The following POU2F2 variants were observed in gnomAD, a reference collection of about 807,000 sequenced individuals.
POU2F2 encodes POU class 2 homeobox 2, also known as POU domain, class 2, transcription factor 2.
A neutral mutation model predicts 63.5 loss-of-function variants in POU2F2; 14 were observed. That is an observed-to-expected ratio of 0.22 (90% CI 0.15 to 0.34). The LOEUF (loss-of-function observed/expected upper bound fraction) is 0.34, where lower values mean the gene tolerates loss of function less well. Among genes scored for constraint, POU2F2 ranks in the 10% least tolerant of loss-of-function variants. POU2F2 has a pLI of 1.00. For missense variants in POU2F2, 607 were observed against 815.2 expected (o/e 0.74, Z 3.11); for synonymous variants, 306 against 348.6 (o/e 0.88, Z 1.36).
chr19:42,189,804 C>A (rs1432561587), intron 1 of POU2F2, among the ~76,000 whole-genome samples: 1 of 152,080 alleles, frequency 6.6e-6, no homozygotes, highest in African/African-American at 2.4e-5. Flanking sequence ...ATCATGGTAG[C>A]CTCAATCTCC....
In POU2F2 at chr19:42,092,482, G is replaced by A. The variant is rs887551500; in HGVS notation, c.1265-212C>T. Among the ~76,000 whole-genome samples, 4 of 152,192 alleles carry A rather than the reference G, an allele frequency of 2.6e-5. No individual in the cohort carries two copies. The highest frequency in any genetic ancestry group is 2.1e-4 in the South Asian group (1 of 4,826). On this transcript the variant is annotated intron_variant, in intron 12 of 14. Coordinates refer to ENST00000692977, the MANE Select transcript of POU2F2 (RefSeq NM_001394376.1). This position sits in a 1 kb window ranked among gnomAD's most constrained non-coding sequence, Gnocchi z 5.0. Reference sequence around the variant, plus strand: ...GTCATAACAATGGAAGTCAGAGCAGGTGCTTCCTGCTGAGCCCTGGCACTC... The same window carrying A: ...GTCATAACAATGGAAGTCAGAGCAGATGCTTCCTGCTGAGCCCTGGCACTC...
Position 42,096,065 on chromosome 19 carries a change from G to A in POU2F2, c.729+17C>T. The A allele has an allele frequency of 6.2e-7, 1 of 1,612,714 alleles. No homozygotes were observed. The highest frequency in any genetic ancestry group is 8.5e-7 in the Non-Finnish European group (1 of 1,179,348). ...CGCCCCCACGCCCACCGCCCAGCCT[G>A]CAAGGTGCCTCCAGACCTGCGTGAA... is the stretch of plus-strand genomic sequence containing the variant. On this transcript the variant is annotated intron_variant, in intron 8 of 14. Transcript: ENST00000692977. This position sits in a 1 kb window ranked among gnomAD's most constrained non-coding sequence, Gnocchi z 4.1.
chr19:42,174,526 C>T (rs2034834176), intron 1 of POU2F2, among the ~76,000 whole-genome samples: 1 of 152,166 alleles, frequency 6.6e-6, no homozygotes, highest in Non-Finnish European at 1.5e-5. Context: ...CACTGACTCC[C>T]TTCTGCACAT....
Position 42,105,926 on chromosome 19 carries a change from G to GA in POU2F2, c.370-6106dup, listed in dbSNP as rs767349221. Among the ~76,000 whole-genome samples the GA allele has an allele frequency of 5.0e-3, 660 of 131,322 alleles. 2 individuals are homozygous for GA. Among genetic ancestry groups the GA allele is most frequent in the Admixed American group, 0.012 (164 of 13,236 alleles). 86.2% of individuals were successfully genotyped at this position (131,322 alleles called of 152,430 possible). On this transcript the variant is annotated intron_variant, in intron 5 of 14. Transcript: ENST00000692977. ...TTGTGCCCTGAATTCTTCAGCATCT[G>GA]AAAAAAAAAAAAACCTATTGCCCTC...
chr19:42,105,265 C>T (rs1310054368), intron 5 of POU2F2, among the ~76,000 whole-genome samples: 1 of 152,168 alleles, frequency 6.6e-6, no homozygotes, highest in Non-Finnish European at 1.5e-5. Context: ...TACACGTCTC[C>T]CAAGTCAATG....
At chr19:42,116,799 C>T (rs557534957) in intron 5 of POU2F2, 3 of 372,394 alleles carry the variant, frequency 8.1e-6, no homozygotes, top group South Asian at 1.9e-5. Context: ...GGTCACCCCC[C>T]CCAGAGGAGG....
Position 42,096,848 on chromosome 19 carries a change from T to C in POU2F2, c.568-605A>G, listed in dbSNP as rs2076940287. Among the ~76,000 whole-genome samples the C allele has an allele frequency of 6.6e-6, 1 of 152,080 alleles. No individual in the cohort carries two copies. Among genetic ancestry groups the C allele is most frequent in the East Asian group, 1.9e-4 (1 of 5,196 alleles). ...ACCTGTTACGCTTGTACCACTCTGG[T>C]TGGGGATGTAGATGATGCAGGAAGC... On this transcript the variant is annotated intron_variant, in intron 7 of 14. Coordinates refer to ENST00000692977, the MANE Select transcript of POU2F2 (RefSeq NM_001394376.1). This position sits in a 1 kb window ranked among gnomAD's most constrained non-coding sequence, Gnocchi z 4.1.
At chr19:42,139,839 A>G (rs568475935) in intron 2 of POU2F2, among the ~76,000 whole-genome samples, 9 of 152,176 alleles carry the variant, frequency 5.9e-5, no homozygotes, top group African/African-American at 9.6e-5. Context: ...AGCATGGCCA[A>G]CCTACTCTAA....
intron 4 of POU2F2, 170 bp downstream of exon 4, chr19:42,121,956 C>G: frequency 1.5e-6 from 1 of 684,012 alleles, no homozygotes; most frequent in African/African-American, 1.8e-5. Context: ...AAGGAGCCTG[C>G]GTGAGTCACA....
chr19:42,124,408 CAATTGAGTATTATTCAATGTGA>C (rs1327528429), intron 1 of POU2F2, among the ~76,000 whole-genome samples: 6 of 148,732 alleles, frequency 4.0e-5, no homozygotes, highest in Non-Finnish European at 8.9e-5. Flanking sequence ...AGAAATCTTG[CAATTGAGTATTATTCAATGTGA>C]AATGCTGCTT....
intron 2 of POU2F2, among the ~76,000 whole-genome samples, chr19:42,148,473 C>T (rs939583337): frequency 3.3e-5 from 5 of 152,128 alleles, no homozygotes; most frequent in Non-Finnish European, 5.9e-5. Flanking sequence ...ATCCTCACTC[C>T]CCTCCGCAAA....
chr19:42,121,890 C>T (rs1366110831), intron 4 of POU2F2, among the ~76,000 whole-genome samples: 1 of 152,118 alleles, frequency 6.6e-6, no homozygotes, highest in South Asian at 2.1e-4. Context: ...TGTTGTTCAT[C>T]GCCCTGGGGC....
At chr19:42,113,662 C>T (rs551998926) in intron 5 of POU2F2, among the ~76,000 whole-genome samples, 5 of 152,176 alleles carry the variant, frequency 3.3e-5, no homozygotes, top group Admixed American at 6.5e-5. Context: ...CACTGCAGGA[C>T]GGGGAGCCCC....
chr19:42,135,523 G>A (rs2033988496), upstream of POU2F2, among the ~76,000 whole-genome samples: 1 of 151,960 alleles, frequency 6.6e-6, no homozygotes, highest in African/African-American at 2.4e-5. Flanking sequence ...TGCTCCTGCT[G>A]CAGGGCCATG....
chr19:42,090,046 A>C lies in POU2F2; in HGVS notation c.*1211T>G, dbSNP rs2076665584. 1 of 152,484 alleles carries C rather than the reference A, an allele frequency of 6.6e-6. No individual in the cohort carries two copies. The highest frequency in any genetic ancestry group is 1.5e-5 in the Non-Finnish European group (1 of 68,052). The allele number at this position is 152,484 out of a possible 1,614,324, so 9.4% of individuals were successfully genotyped here. ...TGGGGATGCCATCTCGAGGAACCCC[A>C]CCACTGGGGTGTGTGCGTGCGTGCA... On this transcript the variant is annotated 3_prime_UTR_variant, in exon 15 of 15. Transcript: ENST00000692977. This position sits in a 1 kb window ranked among gnomAD's most constrained non-coding sequence, Gnocchi z 4.4.
At chr19:42,122,005 G>A in intron 4 of POU2F2, 121 bp downstream of exon 4, 1 of 1,056,820 alleles carries the variant, frequency 9.5e-7, no homozygotes. Flanking sequence ...AGGGGCGGGA[G>A]GAACCTCGTT....
intron 7 of POU2F2, among the ~76,000 whole-genome samples, chr19:42,097,889 A>C (rs533289284): frequency 1.3e-5 from 2 of 152,352 alleles, no homozygotes; most frequent in African/African-American, 4.8e-5. Context: ...GTAGGCTTTT[A>C]GTGTATCCAT....
At chr19:42,190,917 G>GA (rs1472527331) in intron 1 of POU2F2, among the ~76,000 whole-genome samples, 1 of 151,816 alleles carries the variant, frequency 6.6e-6, no homozygotes, top group Non-Finnish European at 1.5e-5. Flanking sequence ...TGTGTAACCT[G>GA]AAAAAATGGG....
chr19:42,114,988 A>G (rs1421119936), intron 5 of POU2F2, among the ~76,000 whole-genome samples: 2 of 152,154 alleles, frequency 1.3e-5, no homozygotes, highest in Non-Finnish European at 2.9e-5. Flanking sequence ...AAAAATATGT[A>G]TATATAAAAA....
Sources: allele counts gnomAD v4.1 joint callset (sites outside exome capture counted in the v4.1 genomes callset), GRCh38; gene constraint gnomAD v4.1.1; non-coding constraint Gnocchi (gnomAD v3.1); transcripts MANE v1.5; gene names NCBI Gene and HGNC (gene_info 2026-07-23, HGNC 2026-07-21).